The following ARHGEF38 variants were observed in gnomAD, a reference collection of about 807,000 sequenced individuals.
ARHGEF38 encodes Rho guanine nucleotide exchange factor 38, also known as Rho guanine nucleotide exchange factor (GEF) 38.
ARHGEF38 carries 79 observed loss-of-function variants against 79.9 expected under a neutral mutation model. The observed-to-expected ratio is 0.99, with a 90% CI of 0.82 to 1.19. The LOEUF (loss-of-function observed/expected upper bound fraction) is 1.19, where lower values mean the gene tolerates loss of function less well. Ranked by LOEUF, ARHGEF38 falls within the 50% of genes most tolerant of loss-of-function variation. The pLI, the probability that ARHGEF38 is intolerant of heterozygous loss-of-function variation, is 0.00. For synonymous variants in ARHGEF38, 366 were observed against 328.3 expected (o/e 1.11, Z -1.24); for missense variants, 962 against 907.2 (o/e 1.06, Z -0.78).
intron 2 of ARHGEF38, among the ~76,000 whole-genome samples, chr4:105,606,703 C>T (rs1193177195): frequency 2.0e-5 from 3 of 151,790 alleles, no homozygotes; most frequent in Non-Finnish European, 4.4e-5. Flanking sequence ...AAAAATGGTG[C>T]AATTGAGGAA....
chr4:105,624,328 A>G (rs970941347), intron 3 of ARHGEF38, among the ~76,000 whole-genome samples: 4 of 152,158 alleles, frequency 2.6e-5, no homozygotes, highest in African/African-American at 9.7e-5. Context: ...GGCGTGAAAT[A>G]ATTTGGAAGT....
intron 4 of ARHGEF38, among the ~76,000 whole-genome samples, chr4:105,633,271 A>G (rs1157424979): frequency 6.6e-6 from 1 of 152,226 alleles, no homozygotes; most frequent in Non-Finnish European, 1.5e-5. Flanking sequence ...TTCCATGAAA[A>G]TAAAGTTAAT....
At chr4:105,664,700 A>G (rs1417117555) in intron 10 of ARHGEF38, among the ~76,000 whole-genome samples, 1 of 152,186 alleles carries the variant, frequency 6.6e-6, no homozygotes, top group Non-Finnish European at 1.5e-5. Flanking sequence ...TGGCACAGGA[A>G]AACCTTTAGA....
chr4:105,623,839 T>C (rs967074662), intron 3 of ARHGEF38, among the ~76,000 whole-genome samples: 5 of 152,150 alleles, frequency 3.3e-5, no homozygotes, highest in Non-Finnish European at 7.4e-5. Context: ...CTCCAAACAT[T>C]GACCCTCTCC....
chr4:105,604,873 T>TA (rs1363671753), intron 2 of ARHGEF38, among the ~76,000 whole-genome samples: 1 of 152,166 alleles, frequency 6.6e-6, no homozygotes, highest in Non-Finnish European at 1.5e-5. Flanking sequence ...ATGGATACAT[T>TA]AAAAAATTAT....
chr4:105,645,029 T>A (rs1027571076), intron 5 of ARHGEF38, among the ~76,000 whole-genome samples, 159 bp from the exon 6 acceptor site: 2 of 152,222 alleles, frequency 1.3e-5, no homozygotes, highest in Admixed American at 1.3e-4. Flanking sequence ...GATTTGCTTC[T>A]TTCTGTCGTC....
intron 1 of ARHGEF38, among the ~76,000 whole-genome samples, chr4:105,561,400 T>TAATAGAATAG (rs1725528604): frequency 3.3e-5 from 1 of 30,160 alleles, no homozygotes. Flanking sequence ...TAGAGTAGAA[T>TAATAGAATAG]AATAGAATAG....
Position 105,561,474 on chromosome 4 carries a change from A to AATG in ARHGEF38, c.196+8513_196+8514insATG, listed in dbSNP as rs1725589170. The stretch of plus-strand genomic sequence containing the variant: ...GGAATAGAATAGAATAGAATAGAAT[A>AATG]GAATAGAATAGAATAGAATAGAATA... On this transcript the variant is annotated intron_variant, in intron 1 of 13. Coordinates refer to ENST00000420470, the MANE Select transcript of ARHGEF38 (RefSeq NM_001242729.2). 45 of 50,808 alleles carry AATG rather than the reference A, an allele frequency of 8.9e-4. 3 individuals carry two copies. The highest frequency in any genetic ancestry group is 1.2e-3 in the Non-Finnish European group (30 of 24,388). The allele number at this position is 50,808 out of a possible 1,614,324, so 3.1% of individuals were successfully genotyped here. A position where few individuals can be genotyped will look rare whatever the true frequency, so the allele number is the denominator to read the frequency against.
chr4:105,645,184 G>A lies in ARHGEF38; in HGVS notation c.675-4G>A, dbSNP rs1729784925. 4.0e-6 allele frequency: 6 copies of A among 1,498,142 alleles called. 1 individual carries two copies. In the African/African-American group the frequency reaches 4.2e-5, roughly 10 times the overall value. The allele number at this position is 1,498,142 out of a possible 1,614,324, so 92.8% of individuals were successfully genotyped here. A position where few individuals can be genotyped will look rare whatever the true frequency, so the allele number is the denominator to read the frequency against. On this transcript the variant is annotated splice_polypyrimidine_tract_variant and splice_region_variant and intron_variant, in intron 5 of 13. Coordinates refer to ENST00000420470, the MANE Select transcript of ARHGEF38 (RefSeq NM_001242729.2). The stretch of plus-strand genomic sequence containing the variant: ...GAAACTGATATTATTTATCTGTATT[G>A]TAGAGGCAAACCAAACTTATTGGAC...
chr4:105,598,657 G>T (rs2110471966), intron 2 of ARHGEF38, among the ~76,000 whole-genome samples: 1 of 151,852 alleles, frequency 6.6e-6, no homozygotes, highest in Middle Eastern at 3.4e-3. Context: ...TAATCTGTAT[G>T]ACCAGGTTAG....
At chr4:105,592,378 C>T (rs575647807) in intron 2 of ARHGEF38, among the ~76,000 whole-genome samples, 45 of 152,138 alleles carry the variant, frequency 3.0e-4, no homozygotes, top group African/African-American at 1.0e-3. Context: ...CTCTGATGCC[C>T]AAGCCTACTC....
chr4:105,577,356 G>T (rs1726556436), intron 1 of ARHGEF38, among the ~76,000 whole-genome samples: 1 of 148,356 alleles, frequency 6.7e-6, no homozygotes. Flanking sequence ...GCGGTGTTTG[G>T]TTTTTTGTTC....
chr4:105,601,921 T>A (rs1198040612), intron 2 of ARHGEF38, among the ~76,000 whole-genome samples: 1 of 152,230 alleles, frequency 6.6e-6, no homozygotes, highest in Non-Finnish European at 1.5e-5. Flanking sequence ...CTTACTTATC[T>A]TGTTTACTTT....
chr4:105,608,115 C>A (rs532239250), intron 2 of ARHGEF38, among the ~76,000 whole-genome samples: 1 of 152,184 alleles, frequency 6.6e-6, no homozygotes, highest in Admixed American at 6.6e-5. Flanking sequence ...TTAGCTGTAA[C>A]CTTTTTAATT....
intron 1 of ARHGEF38, among the ~76,000 whole-genome samples, chr4:105,581,836 C>T (rs560239076): frequency 2.0e-5 from 3 of 152,000 alleles, no homozygotes; most frequent in South Asian, 2.1e-4. Flanking sequence ...CTCATGGTAT[C>T]GTGTTTCCGT....
At chr4:105,580,928 G>T (rs975338120) in intron 1 of ARHGEF38, among the ~76,000 whole-genome samples, 19 of 152,082 alleles carry the variant, frequency 1.2e-4, no homozygotes, top group African/African-American at 3.9e-4. Context: ...ACCAACCTCG[G>T]CATCCCAAAC....
At chr4:105,599,191 G>A (rs1418654175) in intron 2 of ARHGEF38, among the ~76,000 whole-genome samples, 1 of 152,108 alleles carries the variant, frequency 6.6e-6, no homozygotes, top group African/African-American at 2.4e-5. Context: ...TCAAAAAAAT[G>A]AGGCATTCAT....
chr4:105,679,317 G>T lies in ARHGEF38; in HGVS notation c.*1380G>T. Reference sequence around the variant, plus strand: ...TCATGCCACTTTGCCTGTAACCTTTGACTCAATTGGAGGAATATCAAAGCA... The same window carrying T: ...TCATGCCACTTTGCCTGTAACCTTTTACTCAATTGGAGGAATATCAAAGCA... On this transcript the variant is annotated 3_prime_UTR_variant, in exon 14 of 14. Transcript: ENST00000420470. 2.4e-6 allele frequency: 2 copies of T among 840,050 alleles called. No homozygotes were observed. Among genetic ancestry groups the T allele is most frequent in the South Asian group, 3.0e-5 (2 of 66,922 alleles). 52.0% of individuals were successfully genotyped at this position (840,050 alleles called of 1,614,324 possible). A position where few individuals can be genotyped will look rare whatever the true frequency, so the allele number is the denominator to read the frequency against.
At chr4:105,619,763 C>T (rs2110501250) in intron 3 of ARHGEF38, among the ~76,000 whole-genome samples, 1 of 152,286 alleles carries the variant, frequency 6.6e-6, no homozygotes, top group South Asian at 2.1e-4. Context: ...GAGAAGGCCT[C>T]TCTGAGCCAA....
Sources: allele counts gnomAD v4.1 joint callset (sites outside exome capture counted in the v4.1 genomes callset), GRCh38; gene constraint gnomAD v4.1.1; transcripts MANE v1.5; gene names NCBI Gene and HGNC (gene_info 2026-07-23, HGNC 2026-07-21).